SIK3: variants seen among roughly 807,000 people sequenced by gnomAD.
SIK3 encodes SIK family kinase 3.
A neutral mutation model predicts 144.2 loss-of-function variants in SIK3; 28 were observed. The observed-to-expected ratio is 0.19, with a 90% CI of 0.14 to 0.27. The LOEUF (loss-of-function observed/expected upper bound fraction) is 0.27, where lower values mean the gene tolerates loss of function less well. SIK3 is among the 10% of genes least tolerant of loss of function. The pLI is 1.00. For missense variants in SIK3, 1,319 were observed against 1,776.0 expected (o/e 0.74, Z 4.62); for synonymous variants, 686 against 676.3 (o/e 1.01, Z -0.22).
rs543914000 is a variant in SIK3, at chr11:117,088,641, C to A, written c.273+9502G>T. Among the ~76,000 whole-genome samples the A allele has an allele frequency of 1.3e-4, 20 of 152,262 alleles. No homozygotes were observed. In the South Asian group the frequency reaches 4.1e-3, roughly 32 times the overall value. On this transcript the variant is annotated intron_variant, in intron 1 of 24. Transcript: ENST00000445177. ...ACATTAGATTATCACACTGTGCCAT[C>A]CTAATGAGCAGTATAAGTTAGGTTA...
intron 1 of SIK3, among the ~76,000 whole-genome samples, chr11:117,063,358 T>C (rs1443959353): frequency 6.6e-6 from 1 of 152,162 alleles, no homozygotes; most frequent in Non-Finnish European, 1.5e-5. Context: ...CCTTTTCTCA[T>C]AGCTGTAGCA....
At chr11:116,891,662 A>AAGAGAGAG (rs141597034) in intron 6 of SIK3, among the ~76,000 whole-genome samples, 1 of 151,976 alleles carries the variant, frequency 6.6e-6, no homozygotes, top group African/African-American at 2.4e-5. Context: ...GTGTTTAAGT[A>AAGAGAGAG]AGAGAGAGAG....
chr11:116,943,930 A>G (rs12421902), intron 3 of SIK3, among the ~76,000 whole-genome samples: 10,945 of 151,876 alleles, frequency 0.072, 486 homozygotes, highest in Middle Eastern at 0.11. Flanking sequence ...AAAAGCACTC[A>G]TTTTGAAAAT....
intron 4 of SIK3, among the ~76,000 whole-genome samples, chr11:116,898,188 T>C (rs1004369802): frequency 2.6e-5 from 4 of 151,182 alleles, no homozygotes; most frequent in South Asian, 2.1e-4. Flanking sequence ...TGTGTTCTCA[T>C]TGTTCAATTC....
intron 24 of SIK3, among the ~76,000 whole-genome samples, chr11:116,845,874 A>C (rs1055938301): frequency 3.3e-5 from 5 of 152,142 alleles, no homozygotes; most frequent in African/African-American, 1.2e-4. Flanking sequence ...CCAGCCAAAC[A>C]AGCCAATTTC....
chr11:117,066,218 G>A lies in SIK3; in HGVS notation c.273+31925C>T, dbSNP rs552601614. Among the ~76,000 whole-genome samples the A allele has an allele frequency of 3.3e-5, 5 of 151,702 alleles. 1 individual carries two copies. In the South Asian group the frequency reaches 8.3e-4, roughly 25 times the overall value. On this transcript the variant is annotated intron_variant, in intron 1 of 24. Coordinates refer to ENST00000445177, the MANE Select transcript of SIK3 (RefSeq NM_001366686.3). ...TGAGTAGCTGGGATTACAGGCACAC[G>A]CCACCATGTCTGGCTAATTTTTGTA...
intron 1 of SIK3, among the ~76,000 whole-genome samples, chr11:117,002,099 A>G (rs1005725596): frequency 1.1e-4 from 16 of 152,174 alleles, no homozygotes; most frequent in African/African-American, 3.9e-4. Flanking sequence ...GCTTTTTCAA[A>G]CCTGTCTTTT....
rs536737067 is a variant in SIK3 at position 116,843,945 on chromosome 11, G to A, written c.*1698C>T. 33 of 152,272 alleles carry A rather than the reference G, an allele frequency of 2.2e-4. No homozygotes were observed. Among genetic ancestry groups the A allele is most frequent in the Non-Finnish European group, 1.5e-4 (10 of 68,040 alleles). 9.4% of individuals were successfully genotyped at this position (152,272 alleles called of 1,614,324 possible). Reference sequence around the variant, plus strand: ...CAGTATCAGTGGAGAAGGACAAGGTGCATGGGGATCCCGCCAGCAACATCA... The same window carrying A: ...CAGTATCAGTGGAGAAGGACAAGGTACATGGGGATCCCGCCAGCAACATCA... On this transcript the variant is annotated 3_prime_UTR_variant, in exon 25 of 25. Coordinates refer to ENST00000445177, the MANE Select transcript of SIK3 (RefSeq NM_001366686.3).
At chr11:117,068,207 C>T (rs1258580157) in intron 1 of SIK3, among the ~76,000 whole-genome samples, 1 of 152,020 alleles carries the variant, frequency 6.6e-6, no homozygotes, top group Non-Finnish European at 1.5e-5. Flanking sequence ...AATGGTTCCC[C>T]ACACCCCAAA....
At chr11:117,017,717 T>C (rs558317837) in intron 1 of SIK3, among the ~76,000 whole-genome samples, 1 of 152,292 alleles carries the variant, frequency 6.6e-6, no homozygotes, top group African/African-American at 2.4e-5. Flanking sequence ...ACAAATCCTA[T>C]AAATGAGAAA....
At chr11:116,923,445 C>G (rs1947113569) in intron 4 of SIK3, among the ~76,000 whole-genome samples, 1 of 152,166 alleles carries the variant, frequency 6.6e-6, no homozygotes, top group African/African-American at 2.4e-5. Flanking sequence ...CAAAATTAGT[C>G]ATGTTCTAGT....
intron 1 of SIK3, among the ~76,000 whole-genome samples, chr11:116,975,192 A>C (rs1486431030): frequency 2.0e-5 from 3 of 149,162 alleles, no homozygotes; most frequent in African/African-American, 7.6e-5. Flanking sequence ...ATTTAAAAAA[A>C]AAAGCAGCTT....
At chr11:117,011,957 A>G (rs1951279733) in intron 1 of SIK3, among the ~76,000 whole-genome samples, 1 of 152,172 alleles carries the variant, frequency 6.6e-6, no homozygotes, top group South Asian at 2.1e-4. Context: ...GGCTATCAAT[A>G]CAAGCCCAAT....
At chr11:116,897,877 C>T (rs539766847) in intron 4 of SIK3, among the ~76,000 whole-genome samples, 133 of 149,798 alleles carry the variant, frequency 8.9e-4, no homozygotes, top group African/African-American at 3.0e-3. Context: ...AGCAAGACTC[C>T]GTCTCCAAAA....
intron 1 of SIK3, among the ~76,000 whole-genome samples, chr11:117,013,972 C>CTTTTCTTTTTTTTTTTTTTTTTT: frequency 3.7e-5 from 1 of 27,044 alleles, no homozygotes; most frequent in Non-Finnish European, 7.4e-5. Context: ...TTTTTCTTTT[C>CTTTTCTTTTTTTTTTTTTTTTTT]TTTTTTTTTT....
At chr11:116,882,001 C>G (rs1944576927) in intron 6 of SIK3, among the ~76,000 whole-genome samples, 1 of 152,194 alleles carries the variant, frequency 6.6e-6, no homozygotes, top group South Asian at 2.1e-4. Flanking sequence ...TCTTAACCTA[C>G]ATGGTACCTA....
Position 116,846,670 on chromosome 11 carries a change from A to C in SIK3, c.3953-117T>G. The C allele has an allele frequency of 8.5e-7, 1 of 1,182,672 alleles. No individual in the cohort carries two copies. The highest frequency in any genetic ancestry group is 1.2e-6 in the Non-Finnish European group (1 of 832,862). 73.3% of individuals were successfully genotyped at this position (1,182,672 alleles called of 1,614,324 possible). On this transcript the variant is annotated intron_variant, in intron 23 of 24. Transcript: ENST00000445177. This position sits in a 1 kb window ranked among gnomAD's most constrained non-coding sequence, Gnocchi z 4.1. ...TCGAGCATCCCACAGCCTGACTCCC[A>C]GCCCTGAATTCTAGCTCACAGCAGG...
intron 1 of SIK3, among the ~76,000 whole-genome samples, chr11:117,021,760 C>T (rs948196976): frequency 6.6e-6 from 1 of 151,456 alleles, no homozygotes; most frequent in Non-Finnish European, 1.5e-5. Context: ...GAACTCGAGT[C>T]CTGTCTGGGC....
chr11:116,940,789 TA>T lies in SIK3; in HGVS notation c.454+13254del, dbSNP rs532039684. 5.5e-3 allele frequency among the ~76,000 whole-genome samples: 753 copies of T among 136,896 alleles called. 1 individual carries two copies. Among genetic ancestry groups the T allele is most frequent in the African/African-American group, 8.8e-3 (325 of 37,114 alleles). The allele number at this position is 136,896 out of a possible 152,430, so 89.8% of individuals were successfully genotyped here. The stretch of plus-strand genomic sequence containing the variant: ...ACTTGCACACTCCTGGTGGGGGCAT[TA>T]AAAAAAAAAAAGGATAAATAAATAA... On this transcript the variant is annotated intron_variant, in intron 3 of 24. Coordinates refer to ENST00000445177, the MANE Select transcript of SIK3 (RefSeq NM_001366686.3).
Sources: allele counts gnomAD v4.1 joint callset (sites outside exome capture counted in the v4.1 genomes callset), GRCh38; gene constraint gnomAD v4.1.1; non-coding constraint Gnocchi (gnomAD v3.1); transcripts MANE v1.5; gene names NCBI Gene and HGNC (gene_info 2026-07-23, HGNC 2026-07-21).